GFOD1: variants seen among roughly 807,000 people sequenced by gnomAD.
GFOD1 encodes the protein Gfo/Idh/MocA-like oxidoreductase domain containing 1.
In GFOD1, 9 loss-of-function variants were observed where a neutral mutation model predicts 25.4. That is an observed-to-expected ratio of 0.35 (90% CI 0.21 to 0.62). GFOD1 has a LOEUF of 0.62. Ranked by LOEUF, GFOD1 falls within the 20% of genes least tolerant of loss-of-function variation. The pLI is 0.72. For missense variants in GFOD1, 403 were observed against 556.9 expected (o/e 0.72, Z 2.78); for synonymous variants, 253 against 245.6 (o/e 1.03, Z -0.28).
At chr6:13,453,360 C>T (rs2841561) in intron 1 of GFOD1, among the ~76,000 whole-genome samples, 66,635 of 152,030 alleles carry the variant, frequency 0.44, 17,299 homozygotes, top group Middle Eastern at 0.63. Flanking sequence ...TTTGTATGCA[C>T]CTCACTACCT....
intron 1 of GFOD1, chr6:13,469,698 C>T (rs1758445360): frequency 8.5e-7 from 1 of 1,180,098 alleles, no homozygotes; most frequent in Non-Finnish European, 1.1e-6. Flanking sequence ...AAGAAAAGCC[C>T]TTTTAGACAT....
In GFOD1 at chr6:13,364,831, A is replaced by G; in HGVS notation, c.1085T>C (p.Ile362Thr). 6.2e-7 allele frequency: 1 copy of G among 1,613,972 alleles called. No homozygotes were observed. Among genetic ancestry groups the G allele is most frequent in the East Asian group, 2.2e-5 (1 of 44,866 alleles). ...CTCCGGCTCCTCGGTCATGATGGCA[A>G]TGTTCTGCCACTCGCCCGTCTGGCT... ...RSSQTGEWQN[I>T]AIMTEEPELS... Residue 362 changes from isoleucine to threonine, a missense_variant, in exon 2 of 2, where the codon ATT (isoleucine) becomes ACT (threonine). By Grantham distance (89) the Ile-to-Thr change is moderately conservative. Transcript: ENST00000379287. The surrounding 1 kb of genome is among the most constrained non-coding windows in gnomAD (Gnocchi z 4.1).
intron 1 of GFOD1, among the ~76,000 whole-genome samples, chr6:13,461,125 T>C (rs2127575442): frequency 6.6e-6 from 1 of 152,370 alleles, no homozygotes; most frequent in East Asian, 1.9e-4. Context: ...GCATGGGTTA[T>C]GAGTGTGTGT....
chr6:13,404,386 C>T (rs1419589756), intron 1 of GFOD1, among the ~76,000 whole-genome samples: 1 of 152,194 alleles, frequency 6.6e-6, no homozygotes, highest in Non-Finnish European at 1.5e-5. Flanking sequence ...CTTTCATGAA[C>T]TTCTTTTAAG....
At chr6:13,436,580 C>T (rs1474836801) in intron 1 of GFOD1, among the ~76,000 whole-genome samples, 2 of 152,192 alleles carry the variant, frequency 1.3e-5, no homozygotes, top group Non-Finnish European at 2.9e-5. Flanking sequence ...ATTCACTTAA[C>T]CCATTCCCCT....
chr6:13,368,373 C>T (rs1025399674), intron 1 of GFOD1, among the ~76,000 whole-genome samples: 8 of 152,268 alleles, frequency 5.3e-5, no homozygotes, highest in African/African-American at 7.2e-5. Context: ...ACTGAGGCTC[C>T]GGCAGAGAGA....
intron 1 of GFOD1, chr6:13,408,151 T>G: frequency 2.1e-6 from 2 of 956,016 alleles, no homozygotes; most frequent in South Asian, 9.7e-5. Context: ...ACCTTCTCTC[T>G]CCAGCTCAGG....
At chr6:13,459,603 A>T (rs1378532384) in intron 1 of GFOD1, among the ~76,000 whole-genome samples, 1 of 152,144 alleles carries the variant, frequency 6.6e-6, no homozygotes, top group Non-Finnish European at 1.5e-5. Flanking sequence ...TTTGCAATCT[A>T]CCCATCTGAC....
intron 1 of GFOD1, among the ~76,000 whole-genome samples, chr6:13,440,343 C>G (rs1480137349): frequency 6.6e-6 from 1 of 152,138 alleles, no homozygotes; most frequent in African/African-American, 2.4e-5. Flanking sequence ...CACCCACCAC[C>G]ACGCTCAGCT....
chr6:13,401,351 C>T (rs9474117), intron 1 of GFOD1, among the ~76,000 whole-genome samples: 40,506 of 151,398 alleles, frequency 0.27, 5,719 homozygotes, highest in East Asian at 0.38. Flanking sequence ...AGCCGTGTAG[C>T]AGATGAGAGC....
chr6:13,389,536 T>C (rs1200368639), intron 1 of GFOD1, among the ~76,000 whole-genome samples: 1 of 151,478 alleles, frequency 6.6e-6, no homozygotes, highest in Non-Finnish European at 1.5e-5. Flanking sequence ...CACCACATGA[T>C]CTCACTCATA....
chr6:13,399,107 C>T lies in GFOD1; in HGVS notation c.254-33445G>A, dbSNP rs993229765. Among the ~76,000 whole-genome samples, 10 of 152,174 alleles carry T rather than the reference C, an allele frequency of 6.6e-5. No individual in the cohort carries two copies. The South Asian group carries it at 8.3e-4, about 13-fold the overall frequency. On this transcript the variant is annotated intron_variant, in intron 1 of 1. Coordinates refer to ENST00000379287, the MANE Select transcript of GFOD1 (RefSeq NM_018988.4). ...AAAGCTCACTTCAGCCTTAACCTCGCGGACTCAGGTGATTCTCTCACCTCA... is the reference window on the plus strand; with the variant it reads ...AAAGCTCACTTCAGCCTTAACCTCGTGGACTCAGGTGATTCTCTCACCTCA...
chr6:13,456,564 A>T (rs1481185790), intron 1 of GFOD1, among the ~76,000 whole-genome samples: 1 of 152,172 alleles, frequency 6.6e-6, no homozygotes, highest in East Asian at 1.9e-4. Context: ...AATTCAGGTT[A>T]ATTTTTGAAC....
chr6:13,409,088 GGAAA>G (rs879779509), intron 1 of GFOD1, among the ~76,000 whole-genome samples: 854 of 36,694 alleles, frequency 0.023, 54 homozygotes, highest in African/African-American at 0.08. Context: ...CCATCAGAAA[GGAAA>G]GAAAGAAAGA....
rs143447167 is a variant in GFOD1, at chr6:13,406,213, G to A, written c.254-40551C>T. ...GCCCCAGGATTTTGCTGGCTCCAGG[G>A]ACGTCACTATAAACCCACTAACACT... On this transcript the variant is annotated intron_variant, in intron 1 of 1. Coordinates refer to ENST00000379287, the MANE Select transcript of GFOD1 (RefSeq NM_018988.4). Among the ~76,000 whole-genome samples the A allele has an allele frequency of 2.8e-3, 426 of 152,298 alleles. 4 individuals are homozygous for A. The highest frequency in any genetic ancestry group is 9.8e-3 in the African/African-American group (408 of 41,568).
At chr6:13,469,867 G>A (rs143769843) in intron 1 of GFOD1, 22 of 1,203,320 alleles carry the variant, frequency 1.8e-5, no homozygotes, top group East Asian at 1.7e-4. Flanking sequence ...AGTAACACTC[G>A]TACTATGTCT....
At chr6:13,454,192 G>A (rs1758147982) in intron 1 of GFOD1, among the ~76,000 whole-genome samples, 1 of 152,126 alleles carries the variant, frequency 6.6e-6, no homozygotes, top group Non-Finnish European at 1.5e-5. Flanking sequence ...GCCAGGACAG[G>A]GCTGGAACAG....
At chr6:13,412,492 G>A (rs1445516780) in intron 1 of GFOD1, among the ~76,000 whole-genome samples, 1 of 152,182 alleles carries the variant, frequency 6.6e-6, no homozygotes, top group Non-Finnish European at 1.5e-5. Context: ...CTTAGCAAAC[G>A]AATACAAAGG....
chr6:13,465,222 T>TAA (rs36004362), intron 1 of GFOD1, among the ~76,000 whole-genome samples: 115,002 of 150,930 alleles, frequency 0.76, 44,476 homozygotes, highest in Middle Eastern at 0.85. Context: ...GCTGATGAGC[T>TAA]AAAAAAAAAT....
Sources: allele counts gnomAD v4.1 joint callset (sites outside exome capture counted in the v4.1 genomes callset), GRCh38; gene constraint gnomAD v4.1.1; non-coding constraint Gnocchi (gnomAD v3.1); transcripts MANE v1.5; gene names NCBI Gene and HGNC (gene_info 2026-07-23, HGNC 2026-07-21).